The following CDH18 variants were observed in gnomAD, a reference collection of about 807,000 sequenced individuals.
The protein encoded by CDH18 is cadherin-18.
Under a neutral mutation model 67.9 loss-of-function variants are expected in CDH18, and 31 were observed. That is an observed-to-expected ratio of 0.46 (90% CI 0.34 to 0.62). The LOEUF is 0.62. Among genes scored for constraint, CDH18 ranks in the 20% least tolerant of loss-of-function variants. The pLI is 0.01. For synonymous variants in CDH18, 362 were observed against 347.2 expected (o/e 1.04, Z -0.48); for missense variants, 890 against 975.5 (o/e 0.91, Z 1.17).
intron 1 of CDH18, among the ~76,000 whole-genome samples, chr5:20,449,009 A>G (rs1008506270): frequency 6.8e-4 from 103 of 152,060 alleles, no homozygotes; most frequent in Non-Finnish European, 3.5e-4. Context: ...ATATATATAT[A>G]TCCGATACAG....
At chr5:20,295,510 C>A (rs548467079) in intron 1 of CDH18, among the ~76,000 whole-genome samples, 4 of 152,196 alleles carry the variant, frequency 2.6e-5, no homozygotes, top group Admixed American at 2.6e-4. Context: ...GGGTGGATCA[C>A]GAGGTCAAGA....
chr5:20,350,470 A>T (rs1741075754), intron 1 of CDH18, among the ~76,000 whole-genome samples: 2 of 152,118 alleles, frequency 1.3e-5, no homozygotes, highest in South Asian at 4.1e-4. Flanking sequence ...TTGGATTATC[A>T]ATCTGACAAA....
chr5:20,296,684 T>A (rs1460751697), intron 1 of CDH18, among the ~76,000 whole-genome samples: 5 of 152,050 alleles, frequency 3.3e-5, no homozygotes, highest in Admixed American at 3.3e-4. Flanking sequence ...GTTTATAATA[T>A]ATGTAATATA....
At chr5:20,539,244 G>C (rs150264810) in intron 1 of CDH18, among the ~76,000 whole-genome samples, 4 of 152,014 alleles carry the variant, frequency 2.6e-5, no homozygotes, top group African/African-American at 7.2e-5. Context: ...GAAAATTCAT[G>C]GGAAATAAAC....
At chr5:19,689,411 C>A (rs531037903) in intron 5 of CDH18, among the ~76,000 whole-genome samples, 1 of 151,852 alleles carries the variant, frequency 6.6e-6, no homozygotes. Flanking sequence ...AATTGGCAAT[C>A]AAGATTACTA....
chr5:20,143,507 A>G (rs1199641614), intron 2 of CDH18, among the ~76,000 whole-genome samples: 1 of 152,090 alleles, frequency 6.6e-6, no homozygotes, highest in African/African-American at 2.4e-5. Context: ...AGCTGGGACT[A>G]TACGCATGCA....
chr5:20,398,005 C>T lies in CDH18; in HGVS notation c.-579-142500G>A, dbSNP rs74464764. On this transcript the variant is annotated intron_variant, in intron 1 of 14. Coordinates refer to the CDH18 transcript ENST00000507958. The stretch of plus-strand genomic sequence containing the variant: ...TTGAATAAAGTTAAAATTTCACTTC[C>T]TCAGTTGCACTAGCTACATTTTAGC... Among the ~76,000 whole-genome samples the T allele has an allele frequency of 5.5e-3, 841 of 152,142 alleles. 10 individuals carry two copies. Among genetic ancestry groups the T allele is most frequent in the African/African-American group, 0.019 (798 of 41,532 alleles).
chr5:20,142,990 GT>G (rs1254180229), intron 2 of CDH18, among the ~76,000 whole-genome samples: 1 of 152,186 alleles, frequency 6.6e-6, no homozygotes, highest in Non-Finnish European at 1.5e-5. Flanking sequence ...TATAGAGGTA[GT>G]TTGGGATTGG....
At chr5:20,500,327 C>A (rs189151441) in intron 1 of CDH18, among the ~76,000 whole-genome samples, 1 of 152,100 alleles carries the variant, frequency 6.6e-6, no homozygotes, top group Non-Finnish European at 1.5e-5. Context: ...TAGAAATTGG[C>A]TTTTGATGCT....
chr5:20,457,968 T>C (rs2150217921), intron 1 of CDH18, among the ~76,000 whole-genome samples: 1 of 152,346 alleles, frequency 6.6e-6, no homozygotes, highest in East Asian at 1.9e-4. Flanking sequence ...TATCTTCCCA[T>C]TCAGTTGACT....
intron 1 of CDH18, among the ~76,000 whole-genome samples, chr5:20,298,695 A>G (rs1388276096): frequency 3.3e-5 from 5 of 152,188 alleles, no homozygotes; most frequent in Non-Finnish European, 5.9e-5. Flanking sequence ...CCAAAGATAA[A>G]GCAGTAATTA....
chr5:19,788,223 T>C (rs1268044094), intron 3 of CDH18, among the ~76,000 whole-genome samples: 1 of 152,160 alleles, frequency 6.6e-6, no homozygotes, highest in Non-Finnish European at 1.5e-5. Context: ...ACAGTAAATG[T>C]TGGAATTTTT....
chr5:20,022,276 C>A (rs1738496631), intron 2 of CDH18, among the ~76,000 whole-genome samples: 2 of 152,118 alleles, frequency 1.3e-5, no homozygotes, highest in South Asian at 4.1e-4. Context: ...CTGAAATCAT[C>A]CAATGGAAAT....
intron 1 of CDH18, among the ~76,000 whole-genome samples, chr5:20,460,539 C>T (rs1346785676): frequency 6.6e-6 from 1 of 152,034 alleles, no homozygotes; most frequent in Non-Finnish European, 1.5e-5. Context: ...GTTGTGCACA[C>T]CATTCTAGGC....
intron 5 of CDH18, 24 bp from the exon 6 acceptor site, chr5:19,612,625 A>G: frequency 6.5e-7 from 1 of 1,547,382 alleles, no homozygotes; most frequent in Non-Finnish European, 8.9e-7. Context: ...ATTTTAATAA[A>G]CAGTATGAGC....
At chr5:20,304,369 T>A (rs1736229457) in intron 1 of CDH18, 1 of 1,487,566 alleles carries the variant, frequency 6.7e-7, no homozygotes, top group Non-Finnish European at 9.4e-7. Context: ...GTTTACACTT[T>A]TTGGAGTAAA....
chr5:20,470,591 G>A (rs1751979207), intron 1 of CDH18, among the ~76,000 whole-genome samples: 1 of 151,918 alleles, frequency 6.6e-6, no homozygotes, highest in South Asian at 2.1e-4. Context: ...TCACATCCAT[G>A]CCTGCATACA....
rs1025854565 is a variant in CDH18, at chr5:19,724,402, G to A, written c.524-2936C>T. Among the ~76,000 whole-genome samples, 42 of 152,072 alleles carry A rather than the reference G, an allele frequency of 2.8e-4. 2 individuals are homozygous for A. The highest frequency in any genetic ancestry group is 1.9e-4 in the Non-Finnish European group (13 of 68,014). ...AGTTTGGTATAGCAGGGAAGCATAA[G>A]GGATCCTTATATATTGGAGCTGTTC... On this transcript the variant is annotated intron_variant, in intron 4 of 12. Transcript: ENST00000382275.
rs1439660140 is a variant in CDH18 at position 20,438,225 on chromosome 5, CT to C, written c.-580+137236del. 2.4e-5 allele frequency among the ~76,000 whole-genome samples: 3 copies of C among 127,108 alleles called. No homozygotes were observed. In the Admixed American group the frequency reaches 2.5e-4, roughly 11 times the overall value. 83.4% of individuals were successfully genotyped at this position (127,108 alleles called of 152,430 possible). On this transcript the variant is annotated intron_variant, in intron 1 of 14. Coordinates refer to the CDH18 transcript ENST00000507958. ...TGTATAGAGTCAGACTTTCTTGCCC[CT>C]GCCCCCAAATTATATATATATATAT...
Sources: allele counts gnomAD v4.1 joint callset (sites outside exome capture counted in the v4.1 genomes callset), GRCh38; gene constraint gnomAD v4.1.1; transcripts MANE v1.5; gene names NCBI Gene and HGNC (gene_info 2026-07-23, HGNC 2026-07-21).